FYB1: variants seen among roughly 807,000 people sequenced by gnomAD.
FYB1 encodes the protein FYN-binding protein 1.
FYB1 carries 41 observed loss-of-function variants against 94.1 expected under a neutral mutation model. The observed-to-expected ratio is 0.44, with a 90% confidence interval of 0.34 to 0.57. The LOEUF (loss-of-function observed/expected upper bound fraction) is 0.57. Ranked by LOEUF, FYB1 falls within the 20% of genes least tolerant of loss-of-function variation. The pLI is 0.02. For missense variants in FYB1, 1,050 were observed against 976.8 expected (o/e 1.07, Z -1.00); for synonymous variants, 367 against 353.2 (o/e 1.04, Z -0.44).
intron 2 of FYB1, among the ~76,000 whole-genome samples, 167 bp downstream of exon 2, chr5:39,201,659 C>T (rs1384295479): frequency 2.0e-5 from 3 of 152,118 alleles, no homozygotes; most frequent in African/African-American, 7.2e-5. Flanking sequence ...TCCTACTTTC[C>T]CAGACCTCCC....
intron 2 of FYB1, among the ~76,000 whole-genome samples, chr5:39,180,792 T>C (rs1746151685): frequency 6.6e-6 from 1 of 152,222 alleles, no homozygotes; most frequent in Non-Finnish European, 1.5e-5. Flanking sequence ...GCTTCTACCC[T>C]ATTTATATTA....
chr5:39,154,496 C>T (rs1312159392), intron 2 of FYB1, among the ~76,000 whole-genome samples: 1 of 127,220 alleles, frequency 7.9e-6, no homozygotes, highest in African/African-American at 3.0e-5. Flanking sequence ...ATGTTTATAA[C>T]CATTTTCCTT....
At chr5:39,172,839 C>A (rs1161011888) in intron 2 of FYB1, among the ~76,000 whole-genome samples, 1 of 152,240 alleles carries the variant, frequency 6.6e-6, no homozygotes. Flanking sequence ...TTTCTTTATC[C>A]AATCCACTGT....
rs115887359 is a variant in FYB1, at chr5:39,149,986, A to G, written c.1292+3462T>C. Among the ~76,000 whole-genome samples, 1,099 of 152,178 alleles carry G rather than the reference A, an allele frequency of 7.2e-3. 20 individuals are homozygous for G. The highest frequency in any genetic ancestry group is 0.025 in the African/African-American group (1,043 of 41,506). ...AACCCAGAACTTCTTACCCAATTGG[A>G]TGCTTAAAAGGTACCTCAAACTTAA... On this transcript the variant is annotated intron_variant, in intron 3 of 18. Transcript: ENST00000512982.
intron 16 of FYB1, among the ~76,000 whole-genome samples, chr5:39,117,615 C>T (rs2150274460): frequency 6.6e-6 from 1 of 152,244 alleles, no homozygotes; most frequent in African/African-American, 2.4e-5. Flanking sequence ...CCGTGATAAA[C>T]TTTACATCCA....
chr5:39,226,098 C>A (rs952182691), intron 1 of FYB1, among the ~76,000 whole-genome samples: 1 of 152,142 alleles, frequency 6.6e-6, no homozygotes, highest in Admixed American at 6.5e-5. Flanking sequence ...GTCCAACAGG[C>A]ACCATCTACA....
chr5:39,150,645 G>C (rs977357143), intron 3 of FYB1, among the ~76,000 whole-genome samples: 1 of 152,070 alleles, frequency 6.6e-6, no homozygotes, highest in Non-Finnish European at 1.5e-5. Flanking sequence ...ACAGTTGCTT[G>C]GGCCAAAAAC....
chr5:39,236,111 T>G (rs1750955121), intron 1 of FYB1, among the ~76,000 whole-genome samples: 1 of 151,962 alleles, frequency 6.6e-6, no homozygotes, highest in African/African-American at 2.4e-5. Flanking sequence ...ATTCTAGGTG[T>G]GCCACAAGAT....
intron 9 of FYB1, 143 bp downstream of exon 9, chr5:39,134,065 T>C: frequency 3.6e-6 from 2 of 555,816 alleles, no homozygotes; most frequent in Non-Finnish European, 6.3e-6. Flanking sequence ...CTTTCACCCA[T>C]GTTGGGGTTA....
chr5:39,205,617 A>C (rs1316398389), intron 1 of FYB1, among the ~76,000 whole-genome samples: 1 of 152,196 alleles, frequency 6.6e-6, no homozygotes, highest in Non-Finnish European at 1.5e-5. Flanking sequence ...CTAGCCCATG[A>C]TCAAACTCAA....
At chr5:39,129,123 G>A (rs922723473) in intron 10 of FYB1, among the ~76,000 whole-genome samples, 7 of 151,940 alleles carry the variant, frequency 4.6e-5, no homozygotes, top group Non-Finnish European at 8.8e-5. Context: ...AAAAACCAAT[G>A]AAACAGAAAA....
At chr5:39,195,519 G>A (rs989696263) in intron 2 of FYB1, among the ~76,000 whole-genome samples, 1 of 152,132 alleles carries the variant, frequency 6.6e-6, no homozygotes, top group African/African-American at 2.4e-5. Flanking sequence ...GTTGTAGGCT[G>A]GATTAGTTAA....
intron 1 of FYB1, among the ~76,000 whole-genome samples, chr5:39,230,843 A>G (rs1750694817): frequency 1.4e-5 from 1 of 70,044 alleles, no homozygotes; most frequent in Non-Finnish European, 3.5e-5. Flanking sequence ...CTGTCTCAGT[A>G]TACACACACA....
Position 39,110,398 on chromosome 5 carries a change from G to A in FYB1, c.2402-9C>T, listed in dbSNP as rs755218321. 2 of 1,578,626 alleles carry A rather than the reference G, an allele frequency of 1.3e-6. No individual in the cohort carries two copies. The highest frequency in any genetic ancestry group is 8.6e-7 in the Non-Finnish European group (1 of 1,156,376). ...CCGAAGGACATAACCATCTACGAAGGAAAAAGGAAATAAATTGTATCAATA... is the reference window on the plus strand; with the variant it reads ...CCGAAGGACATAACCATCTACGAAGAAAAAAGGAAATAAATTGTATCAATA... On this transcript the variant is annotated splice_polypyrimidine_tract_variant and intron_variant, in intron 16 of 18. Transcript: ENST00000512982.
chr5:39,141,200 G>T (rs906720168), intron 3 of FYB1, 59 bp from the exon 4 acceptor site: 1 of 1,074,324 alleles, frequency 9.3e-7, no homozygotes, highest in Non-Finnish European at 1.4e-6. Context: ...ACCTTACAAT[G>T]AAAAAGGGAA....
At chr5:39,116,812 T>A (rs1231294089) in intron 16 of FYB1, among the ~76,000 whole-genome samples, 1 of 147,170 alleles carries the variant, frequency 6.8e-6, no homozygotes, top group East Asian at 2.0e-4. Flanking sequence ...TGTCATGCCA[T>A]TTTTATAAAT....
At chr5:39,170,533 T>C (rs571533382) in intron 2 of FYB1, among the ~76,000 whole-genome samples, 12 of 152,214 alleles carry the variant, frequency 7.9e-5, no homozygotes, top group Non-Finnish European at 1.5e-4. Flanking sequence ...AAACTCATTC[T>C]AGATTCATCC....
intron 1 of FYB1, among the ~76,000 whole-genome samples, chr5:39,204,493 A>G (rs1461391581): frequency 6.6e-6 from 1 of 152,176 alleles, no homozygotes; most frequent in Non-Finnish European, 1.5e-5. Context: ...GGAAATTATT[A>G]TTAGAACTGT....
intron 2 of FYB1, 97 bp from the exon 3 acceptor site, chr5:39,153,701 G>A: frequency 8.6e-7 from 1 of 1,166,314 alleles, no homozygotes; most frequent in Non-Finnish European, 1.2e-6. Flanking sequence ...AAATAATTTG[G>A]CAAAAATTAA....
Sources: allele counts gnomAD v4.1 joint callset (sites outside exome capture counted in the v4.1 genomes callset), GRCh38; gene constraint gnomAD v4.1.1; transcripts MANE v1.5; gene names NCBI Gene and HGNC (gene_info 2026-07-23, HGNC 2026-07-21).